Variants in MYCBP2 observed in about 807,000 individuals in gnomAD.
MYCBP2 encodes the protein MYC binding protein 2.
In MYCBP2, 120 loss-of-function variants were observed where a neutral mutation model predicts 525.3. The ratio of observed to expected loss-of-function variants is 0.23; its 90% CI spans 0.20 to 0.27. The LOEUF is 0.27. MYCBP2 is among the 10% of genes least tolerant of loss of function. The pLI is 1.00. For synonymous variants in MYCBP2, 1,894 were observed against 1,955.8 expected, an observed-to-expected ratio of 0.97 and a Z score of 0.83; for missense variants, 4,149 against 5,657.1, an observed-to-expected ratio of 0.73 and a Z score of 8.55.
chr13:77,053,882 T>C (rs573663326), intron 80 of MYCBP2, among the ~76,000 whole-genome samples: 2 of 152,298 alleles, frequency 1.3e-5, no homozygotes, highest in South Asian at 4.1e-4. Context: ...ATCTAGTAAG[T>C]GCAAAGTACT....
chr13:77,205,938 T>C (rs562463207), intron 24 of MYCBP2, among the ~76,000 whole-genome samples: 68 of 152,268 alleles, frequency 4.5e-4, no homozygotes, highest in Non-Finnish European at 7.1e-4. Context: ...GACACATTAG[T>C]GTCACACAAA....
intron 1 of MYCBP2, among the ~76,000 whole-genome samples, chr13:77,314,547 T>C (rs532550261): frequency 2.0e-5 from 3 of 152,290 alleles, no homozygotes; most frequent in East Asian, 1.9e-4. Context: ...ATTTCAACTA[T>C]AGCACATTCT....
At chr13:77,114,722 T>C (rs1566582534) in intron 55 of MYCBP2, among the ~76,000 whole-genome samples, 1 of 152,066 alleles carries the variant, frequency 6.6e-6, no homozygotes, top group Non-Finnish European at 1.5e-5. Context: ...TTGAAATTGC[T>C]GGAAGATGTC....
chr13:77,253,000 T>C (rs1567059008), intron 14 of MYCBP2, among the ~76,000 whole-genome samples: 1 of 151,880 alleles, frequency 6.6e-6, no homozygotes. Flanking sequence ...ATATGGAAAA[T>C]AAAATCTCTC....
At chr13:77,272,019 G>A (rs368723070) in intron 5 of MYCBP2, among the ~76,000 whole-genome samples, 11 of 152,198 alleles carry the variant, frequency 7.2e-5, no homozygotes, top group African/African-American at 2.7e-4. Context: ...GGTCTGTAGA[G>A]AACTGCAGCT....
At position 77,288,203 on chromosome 13, in the gene MYCBP2, A is replaced by G; in HGVS notation, c.552T>C (p.Asp184=). Residue 184 remains aspartate, a synonymous_variant, in exon 3 of 83, where the codon GAT becomes GAC. Transcript: ENST00000544440. The stretch of plus-strand genomic sequence containing the variant: ...GGGGCTCTTTGGATTCCTCTTCTTC[A>G]TCACTATCTGATTCTCCACTCTGCA... ...NSVQSGESDS[D]EEEESKEPPI... The G allele has an allele frequency of 1.9e-6, 3 of 1,614,188 alleles. No homozygotes were observed. The highest frequency in any genetic ancestry group is 2.5e-6 in the Non-Finnish European group (3 of 1,180,018).
rs765510408 is a variant in MYCBP2, at chr13:77,045,337, G to A, written c.*41C>T. The A allele has an allele frequency of 6.1e-6, 9 of 1,463,492 alleles. No homozygotes were observed. Among genetic ancestry groups the A allele is most frequent in the Middle Eastern group, 1.7e-4 (1 of 5,750 alleles). The allele number at this position is 1,463,492 out of a possible 1,614,324, so 90.7% of individuals were successfully genotyped here. A position where few individuals can be genotyped will look rare whatever the true frequency, so the allele number is the denominator to read the frequency against. ...ACTTCACCGCATCCTCTTGGGGGATGAAGGCAATTTTTCTCTCTGTAGACA... is the reference window on the plus strand; with the variant it reads ...ACTTCACCGCATCCTCTTGGGGGATAAAGGCAATTTTTCTCTCTGTAGACA... On this transcript the variant is annotated 3_prime_UTR_variant, in exon 83 of 83. Coordinates refer to ENST00000544440, the MANE Select transcript of MYCBP2 (RefSeq NM_015057.5).
intron 17 of MYCBP2, among the ~76,000 whole-genome samples, chr13:77,239,613 C>T (rs949478399): frequency 1.3e-5 from 2 of 152,184 alleles, no homozygotes; most frequent in African/African-American, 4.8e-5. Context: ...TTGGGACCAT[C>T]AGAATCACCT....
rs2062043627 is a variant in MYCBP2, at chr13:77,198,727, T to TCCTCC, written c.3844-4488_3844-4484dup. Among the ~76,000 whole-genome samples, 5 of 152,262 alleles carry TCCTCC rather than the reference T, an allele frequency of 3.3e-5. No individual in the cohort carries two copies. In the South Asian group the frequency reaches 1.0e-3, roughly 32 times the overall value. On this transcript the variant is annotated intron_variant, in intron 26 of 82. Transcript: ENST00000544440. ...TTTTTAGTTGGCCTACCAGATGGAA[T>TCCTCC]CCTCCCCTAACACTATCTCTCACTC...
At chr13:77,239,438 T>C (rs577290646) in intron 17 of MYCBP2, among the ~76,000 whole-genome samples, 17 of 152,314 alleles carry the variant, frequency 1.1e-4, no homozygotes, top group African/African-American at 4.1e-4. Context: ...TCTAGCACAG[T>C]GCCAGAGAAG....
chr13:77,158,588 C>T (rs939231586), intron 44 of MYCBP2, among the ~76,000 whole-genome samples: 5 of 152,100 alleles, frequency 3.3e-5, no homozygotes, highest in Middle Eastern at 3.2e-3. Context: ...GACTTACAGG[C>T]GTATGCCACC....
At chr13:77,305,041 C>G (rs1380724292) in intron 1 of MYCBP2, among the ~76,000 whole-genome samples, 1 of 152,012 alleles carries the variant, frequency 6.6e-6, no homozygotes, top group Non-Finnish European at 1.5e-5. Context: ...AAACTCTAGA[C>G]TCGGATGGCT....
chr13:77,198,362 T>C (rs1459658730), intron 26 of MYCBP2, among the ~76,000 whole-genome samples: 5 of 152,240 alleles, frequency 3.3e-5, no homozygotes, highest in African/African-American at 7.2e-5. Context: ...TTTAAGTTTG[T>C]CAGTTCTGGT....
At chr13:77,099,193 A>T (rs757381034) in intron 55 of MYCBP2, 180 bp from the exon 56 acceptor site, 10 of 846,190 alleles carry the variant, frequency 1.2e-5, no homozygotes, top group African/African-American at 1.7e-5. Context: ...ATTTCTACAC[A>T]TCATTACACA....
Position 77,260,447 on chromosome 13 carries a change from G to A in MYCBP2, c.1998C>T (p.Ala666=), listed in dbSNP as rs1452403529. ...ACTTACTTGAACTATCAGAGTAAAT[G>A]GCATCTTTTCCAAACATGTAGAGTT... ...DGELYMFGKD[A]IYSDSSSLVT... Residue 666 remains alanine (A), a synonymous_variant, in exon 13 of 83, where the codon GCC becomes GCT. Transcript: ENST00000544440. 6.3e-7 allele frequency: 1 copy of A among 1,591,852 alleles called. No homozygotes were observed. Among genetic ancestry groups the A allele is most frequent in the Non-Finnish European group, 8.5e-7 (1 of 1,173,576 alleles).
At chr13:77,091,008 T>G (rs2045313936) in intron 59 of MYCBP2, among the ~76,000 whole-genome samples, 1 of 152,182 alleles carries the variant, frequency 6.6e-6, no homozygotes, top group South Asian at 2.1e-4. Context: ...GAAACTATTC[T>G]TTTCGTGAGC....
chr13:77,232,647 C>T (rs1385867920), intron 18 of MYCBP2, among the ~76,000 whole-genome samples: 1 of 152,160 alleles, frequency 6.6e-6, no homozygotes, highest in African/African-American at 2.4e-5. Flanking sequence ...ACTTAACCCA[C>T]AACCATCAAA....
chr13:77,072,462 T>C (rs2041543649), intron 68 of MYCBP2, among the ~76,000 whole-genome samples: 1 of 151,828 alleles, frequency 6.6e-6, no homozygotes, highest in Non-Finnish European at 1.5e-5. Context: ...AAAAGAAAGG[T>C]CTTGGAGTCT....
intron 40 of MYCBP2, 101 bp downstream of exon 40, chr13:77,168,327 G>C (rs1183073197): frequency 1.1e-6 from 1 of 933,806 alleles, no homozygotes; most frequent in African/African-American, 1.7e-5. Context: ...TACTATAAAA[G>C]AAAATACACT....
Sources: gnomAD v4.1 joint callset for allele counts (sites outside exome capture counted in the v4.1 genomes callset) on GRCh38, gnomAD v4.1.1 for gene constraint, MANE v1.5 for transcripts, NCBI Gene and HGNC (gene_info 2026-07-23, HGNC 2026-07-21) for gene names.